DMXL1: variants seen among roughly 807,000 people sequenced by gnomAD.
DMXL1 encodes dmX-like protein 1.
DMXL1 carries 99 observed loss-of-function variants against 319.2 expected under a neutral mutation model. The observed-to-expected ratio is 0.31, with a 90% CI of 0.26 to 0.37. The LOEUF (loss-of-function observed/expected upper bound fraction) is 0.37, where lower values mean the gene tolerates loss of function less well. Among genes scored for constraint, DMXL1 ranks in the 10% least tolerant of loss-of-function variants. The pLI, the probability that DMXL1 is intolerant of heterozygous loss-of-function variation, is 1.00. For synonymous variants in DMXL1, 1,385 were observed against 1,235.2 expected (o/e 1.12, Z -2.54); for missense variants, 3,745 against 3,595.6 (o/e 1.04, Z -1.06).
chr5:119,095,907 T>C lies in DMXL1; in HGVS notation c.88-2072T>C, dbSNP rs72784073. 9.3e-4 allele frequency among the ~76,000 whole-genome samples: 141 copies of C among 152,294 alleles called. 1 individual carries two copies. The highest frequency in any genetic ancestry group is 1.6e-3 in the Non-Finnish European group (108 of 68,020). On this transcript the variant is annotated intron_variant, in intron 1 of 43. Coordinates refer to ENST00000539542, the MANE Select transcript of DMXL1 (RefSeq NM_001290321.3). The stretch of plus-strand genomic sequence containing the variant: ...AGTGGAATCATAATTGATTATTCTT[T>C]CTAATTTTTAGGTAAAATTCCAGGC...
At chr5:119,199,080 G>T (rs1231419045) in intron 32 of DMXL1, among the ~76,000 whole-genome samples, 1 of 152,054 alleles carries the variant, frequency 6.6e-6, no homozygotes, top group African/African-American at 2.4e-5. Flanking sequence ...TAGAGACAGG[G>T]TTTCACCTTG....
chr5:119,138,340 C>G (rs995225713), intron 13 of DMXL1, among the ~76,000 whole-genome samples: 3 of 152,118 alleles, frequency 2.0e-5, no homozygotes, highest in Non-Finnish European at 4.4e-5. Context: ...GTAGAAGTAG[C>G]AGGTTTTGAG....
intron 15 of DMXL1, among the ~76,000 whole-genome samples, chr5:119,145,163 C>G (rs754149334): frequency 1.3e-5 from 2 of 151,782 alleles, no homozygotes; most frequent in African/African-American, 2.4e-5. Context: ...AAACCAAACT[C>G]AAAAATGGCA....
intron 34 of DMXL1, among the ~76,000 whole-genome samples, chr5:119,210,757 G>GTTTTTTTTTTTTTTTTTTTTTTTT: frequency 4.2e-4 from 38 of 89,770 alleles, no homozygotes; most frequent in East Asian, 6.9e-4. Context: ...TTTTTCTTTC[G>GTTTTTTTTTTTTTTTTTTTTTTTT]TTTTTTTTTT....
chr5:119,241,303 G>A (rs576391964), intron 42 of DMXL1, among the ~76,000 whole-genome samples: 9 of 152,150 alleles, frequency 5.9e-5, no homozygotes, highest in Admixed American at 1.3e-4. Flanking sequence ...AGGCCAAGGC[G>A]GGTGGATCAC....
intron 25 of DMXL1, among the ~76,000 whole-genome samples, chr5:119,172,266 C>A (rs527797132): frequency 7.4e-4 from 112 of 152,180 alleles, no homozygotes; most frequent in African/African-American, 2.7e-3. Flanking sequence ...TACATTTAAC[C>A]AAAAAGCTCA....
intron 38 of DMXL1, among the ~76,000 whole-genome samples, chr5:119,225,463 T>G (rs1785365606): frequency 1.3e-5 from 2 of 152,058 alleles, no homozygotes; most frequent in Non-Finnish European, 2.9e-5. Flanking sequence ...TAATATTTTT[T>G]TTTAAGTTAT....
In DMXL1 at chr5:119,220,509, A is replaced by T; in HGVS notation, c.8051A>T (p.Asp2684Val). 1 of 1,613,650 alleles carries T rather than the reference A, an allele frequency of 6.2e-7. No individual in the cohort carries two copies. The highest frequency in any genetic ancestry group is 8.5e-7 in the Non-Finnish European group (1 of 1,179,648). ...RNCIAIASSH[D>V]VQELDVSGIL... ...TGCATAGCAATCGCTTCCAGTCATG[A>T]TGTTCAAGAACTGGATGTTTCTGGA... Residue 2684 changes from aspartate to valine, a missense_variant, in exon 36 of 44, where the codon GAT (aspartate) becomes GTT (valine). Physicochemically the swap from Asp to Val is radical, Grantham distance 152. Coordinates refer to ENST00000539542, the MANE Select transcript of DMXL1 (RefSeq NM_001290321.3).
intron 23 of DMXL1, 43 bp from the exon 24 acceptor site, chr5:119,170,147 A>G (rs1197327947): frequency 3.3e-6 from 5 of 1,534,904 alleles, no homozygotes; most frequent in Non-Finnish European, 4.4e-6. Flanking sequence ...AGAAACACAC[A>G]GTTCATAACT....
At chr5:119,116,361 C>A (rs1358742275) in intron 7 of DMXL1, 25 bp downstream of exon 7, 1 of 1,604,410 alleles carries the variant, frequency 6.2e-7, no homozygotes, top group Admixed American at 1.7e-5. Context: ...CATTTCCCTC[C>A]ACATATTAAG....
Position 119,148,923 on chromosome 5 carries a change from T to G in DMXL1, c.3096T>G (p.Asp1032Glu). 1 of 1,613,910 alleles carries G rather than the reference T, an allele frequency of 6.2e-7. No individual in the cohort carries two copies. Among genetic ancestry groups the G allele is most frequent in the South Asian group, 1.1e-5 (1 of 91,088 alleles). ...IWEEWPLLIE[D>E]GLQSNSSITV... is the part of the protein sequence containing the mutation. The stretch of plus-strand genomic sequence containing the variant: ...AAGAATGGCCATTACTTATTGAAGA[T>G]GGACTTCAGAGCAATAGTAGTATAA... The change falls in exon 18 of 44, where the codon GAT (aspartate) becomes GAG (glutamate). Residue 1032 changes from aspartate to glutamate, a missense_variant. Physicochemically the swap from Asp to Glu is conservative, Grantham distance 45 (BLOSUM62 2). Coordinates refer to ENST00000539542, the MANE Select transcript of DMXL1 (RefSeq NM_001290321.3).
intron 34 of DMXL1, among the ~76,000 whole-genome samples, chr5:119,212,241 C>G (rs1157914693): frequency 6.6e-5 from 10 of 152,140 alleles, no homozygotes. Context: ...AGGCAACCAC[C>G]ATTCTGCTTT....
intron 38 of DMXL1, among the ~76,000 whole-genome samples, chr5:119,228,117 G>A (rs1479044542): frequency 6.6e-6 from 1 of 152,074 alleles, no homozygotes; most frequent in South Asian, 2.1e-4. Flanking sequence ...ATTCTTGTTC[G>A]ACTTGATCTT....
At chr5:119,089,003 A>G (rs1463606303) in intron 1 of DMXL1, among the ~76,000 whole-genome samples, 1 of 151,216 alleles carries the variant, frequency 6.6e-6, no homozygotes, top group African/African-American at 2.4e-5. Flanking sequence ...TTTGCATATT[A>G]GTGGTTTTTT....
rs376741039 is a variant in DMXL1 at position 119,173,766 on chromosome 5, A to ATG, written c.6682-1485_6682-1484dup. Among the ~76,000 whole-genome samples, 253 of 76,518 alleles carry ATG rather than the reference A, an allele frequency of 3.3e-3. 12 individuals are homozygous for ATG. The highest frequency in any genetic ancestry group is 7.5e-3 in the African/African-American group (135 of 18,116). 50.2% of individuals were successfully genotyped at this position (76,518 alleles called of 152,430 possible). A position where few individuals can be genotyped will look rare whatever the true frequency, so the allele number is the denominator to read the frequency against. Reference sequence around the variant, plus strand: ...TATATATGTGTGTGTATATATATATATGTGTGTGTGTATATATATATATAT... The same window carrying ATG: ...TATATATGTGTGTGTATATATATATATGTGTGTGTGTGTATATATATATATAT... On this transcript the variant is annotated intron_variant, in intron 25 of 43. Transcript: ENST00000539542.
rs773838922 is a variant in DMXL1, at chr5:119,150,084, TTACTC to T, written c.4258_4262del (p.Tyr1420IlefsTer6). 3.0e-4 allele frequency: 479 copies of T among 1,613,844 alleles called. No individual in the cohort carries two copies. The Middle Eastern group carries it at 5.3e-3, about 18-fold the overall frequency. On this transcript the variant is annotated frameshift_variant, in exon 18 of 44. Coordinates refer to ENST00000539542, the MANE Select transcript of DMXL1 (RefSeq NM_001290321.3). LOFTEE classifies it high-confidence loss of function. ...TACTTGCAGCAGATGATGATAGCTG[TTACTC>T]ATCTTTGGAGAAATCTAGTAATGAG...
intron 1 of DMXL1, among the ~76,000 whole-genome samples, chr5:119,086,135 C>A (rs1753301815): frequency 6.6e-6 from 1 of 152,206 alleles, no homozygotes; most frequent in African/African-American, 2.4e-5. Flanking sequence ...AGGCACATCT[C>A]ACATGGCAAT....
At chr5:119,176,149 C>T (rs1775762055) in intron 26 of DMXL1, among the ~76,000 whole-genome samples, 1 of 151,934 alleles carries the variant, frequency 6.6e-6, no homozygotes, top group African/African-American at 2.4e-5. Flanking sequence ...TTTAGAAATT[C>T]TGTTTTTCAT....
chr5:119,121,707 C>T (rs1342970926), intron 9 of DMXL1, among the ~76,000 whole-genome samples: 1 of 152,220 alleles, frequency 6.6e-6, no homozygotes, highest in Non-Finnish European at 1.5e-5. Context: ...GGCAACCATC[C>T]GATTTCTCAA....
Sources: gnomAD v4.1 joint callset for allele counts (sites outside exome capture counted in the v4.1 genomes callset) on GRCh38, gnomAD v4.1.1 for gene constraint, MANE v1.5 for transcripts, NCBI Gene and HGNC (gene_info 2026-07-23, HGNC 2026-07-21) for gene names.